RBBP4: variants seen among roughly 807,000 people sequenced by gnomAD.
The protein encoded by RBBP4 is histone-binding protein RBBP4.
A neutral mutation model predicts 57.2 loss-of-function variants in RBBP4; 3 were observed. That is an observed-to-expected ratio of 0.05 (90% confidence interval 0.02 to 0.14). RBBP4 has a LOEUF of 0.14. Among genes scored for constraint, RBBP4 ranks in the 10% least tolerant of loss-of-function variants. The pLI, the probability that RBBP4 is intolerant of heterozygous loss-of-function variation, is 1.00. For missense variants in RBBP4, 107 were observed against 520.6 expected, an observed-to-expected ratio of 0.21 and a Z score of 7.73; for synonymous variants, 151 against 171.5, an observed-to-expected ratio of 0.88 and a Z score of 0.93.
intron 2 of RBBP4, among the ~76,000 whole-genome samples, chr1:32,656,342 G>A (rs548365856): frequency 1.5e-3 from 65 of 43,576 alleles, no homozygotes; most frequent in African/African-American, 2.3e-3. Context: ...TTAGCCAGCC[G>A]CCGGTTTTTT....
rs530594725 is a variant in RBBP4 at position 32,669,673 on chromosome 1, A to G, written c.966+110A>G. ...TGGGAGGCTGAAGCGGGCGGATCACAAGGTCAGGAGATCGAGACCATCCTG... is the reference window on the plus strand; with the variant it reads ...TGGGAGGCTGAAGCGGGCGGATCACGAGGTCAGGAGATCGAGACCATCCTG... On this transcript the variant is annotated intron_variant, in intron 8 of 11. Coordinates refer to ENST00000373493, the MANE Select transcript of RBBP4 (RefSeq NM_005610.3). This position sits in a 1 kb window ranked among gnomAD's most constrained non-coding sequence, Gnocchi z 4.9. 16 of 1,429,396 alleles carry G rather than the reference A, an allele frequency of 1.1e-5. No homozygotes were observed. The African/African-American group carries it at 2.2e-4, about 19-fold the overall frequency. 88.5% of individuals were successfully genotyped at this position (1,429,396 alleles called of 1,614,324 possible).
At chr1:32,653,470 G>C (rs1325490124) in intron 2 of RBBP4, among the ~76,000 whole-genome samples, 2 of 151,996 alleles carry the variant, frequency 1.3e-5, no homozygotes, top group Non-Finnish European at 2.9e-5. Context: ...CTCAACAAAT[G>C]ATAGAAATTT....
At position 32,671,738 on chromosome 1, in the gene RBBP4, C is replaced by T. The variant is rs539031737; in HGVS notation, c.967-712C>T. On this transcript the variant is annotated intron_variant, in intron 8 of 11. Coordinates refer to ENST00000373493, the MANE Select transcript of RBBP4 (RefSeq NM_005610.3). ...GCCTAACCCCATCTCTACACAAATA[C>T]AAAAATTAGCTGGCCGTGGTGGCGG... Among the ~76,000 whole-genome samples the T allele has an allele frequency of 8.6e-5, 13 of 150,358 alleles. No homozygotes were observed. In the East Asian group the frequency reaches 1.4e-3, roughly 16 times the overall value.
Position 32,681,669 on chromosome 1 carries a change from C to T in RBBP4, c.*1964C>T. On this transcript the variant is annotated 3_prime_UTR_variant, in exon 12 of 12. Coordinates refer to ENST00000373493, the MANE Select transcript of RBBP4 (RefSeq NM_005610.3). The stretch of plus-strand genomic sequence containing the variant: ...AGCAAAGAGTTGACATGTTCTGCCT[C>T]CGGCCAACTCTAGAATCTTTTTAAG... 1 of 857,592 alleles carries T rather than the reference C, an allele frequency of 1.2e-6. No individual in the cohort carries two copies. Among genetic ancestry groups the T allele is most frequent in the Non-Finnish European group, 1.9e-6 (1 of 537,014 alleles). 53.1% of individuals were successfully genotyped at this position (857,592 alleles called of 1,614,324 possible).
At chr1:32,664,393 T>G (rs1347051064) in intron 3 of RBBP4, among the ~76,000 whole-genome samples, 1 of 152,156 alleles carries the variant, frequency 6.6e-6, no homozygotes, top group Non-Finnish European at 1.5e-5. Context: ...CTGTGCCAAC[T>G]GTGGCTTCTC....
At chr1:32,665,288 C>G (rs1289467198) in intron 3 of RBBP4, among the ~76,000 whole-genome samples, 1 of 152,096 alleles carries the variant, frequency 6.6e-6, no homozygotes, top group Admixed American at 6.6e-5. Flanking sequence ...AAACATTTTG[C>G]TTTTCAAAAG....
Position 32,651,252 on chromosome 1 carries a change from C to T in RBBP4, c.-55C>T, listed in dbSNP as rs1452598988. ...CGCACAGAGCGAGCTCTTGCAGCCT[C>T]CCCGCCCCTCCCGCAACGCTCGACC... On this transcript the variant is annotated 5_prime_UTR_variant, in exon 1 of 12. Transcript: ENST00000373493. 25 of 1,505,562 alleles carry T rather than the reference C, an allele frequency of 1.7e-5. No homozygotes were observed. The highest frequency in any genetic ancestry group is 2.2e-5 in the Non-Finnish European group (25 of 1,127,382). The allele number at this position is 1,505,562 out of a possible 1,614,324, so 93.3% of individuals were successfully genotyped here. A position where few individuals can be genotyped will look rare whatever the true frequency, so the allele number is the denominator to read the frequency against.
At chr1:32,656,707 T>C (rs980886546) in intron 2 of RBBP4, among the ~76,000 whole-genome samples, 12 of 151,884 alleles carry the variant, frequency 7.9e-5, no homozygotes, top group Admixed American at 7.9e-4. Flanking sequence ...TGTACTTCCA[T>C]CGCGTTTGGA....
chr1:32,679,754 C>G lies in RBBP4; in HGVS notation c.*49C>G. 1 of 1,608,938 alleles carries G rather than the reference C, an allele frequency of 6.2e-7. No homozygotes were observed. Among genetic ancestry groups the G allele is most frequent in the East Asian group, 2.2e-5 (1 of 44,706 alleles). ...TTAGACTCCCCTTTTTTCTTCTCAA[C>G]CCTGAGAGTGATTTAACACTGGTTT... On this transcript the variant is annotated 3_prime_UTR_variant, in exon 12 of 12. Transcript: ENST00000373493.
chr1:32,673,416 A>ATG, intron 11 of RBBP4: 1 of 405,834 alleles, frequency 2.5e-6, no homozygotes, highest in Middle Eastern at 8.4e-4. Flanking sequence ...ATCTCAAAGA[A>ATG]TGTGAACACC....
Position 32,682,215 on chromosome 1 carries a change from C to T in RBBP4, c.*2510C>T, listed in dbSNP as rs1649486154. 1 of 231,172 alleles carries T rather than the reference C, an allele frequency of 4.3e-6. No individual in the cohort carries two copies. The highest frequency in any genetic ancestry group is 2.3e-5 in the African/African-American group (1 of 43,146). 14.3% of individuals were successfully genotyped at this position (231,172 alleles called of 1,614,324 possible). Reference sequence around the variant, plus strand: ...CCTCAATTGCAAGGTTATAATTTCTCAAACATTAAGCATATTATCAGTCAT... The same window carrying T: ...CCTCAATTGCAAGGTTATAATTTCTTAAACATTAAGCATATTATCAGTCAT... On this transcript the variant is annotated 3_prime_UTR_variant, in exon 12 of 12. Transcript: ENST00000373493.
At position 32,684,064 on chromosome 1, in the gene RBBP4, C is replaced by G. The variant is rs746969400; in HGVS notation, c.*4359C>G. 9.9e-6 allele frequency: 16 copies of G among 1,613,974 alleles called. No individual in the cohort carries two copies. The highest frequency in any genetic ancestry group is 1.4e-5 in the Non-Finnish European group (16 of 1,180,016). On this transcript the variant is annotated 3_prime_UTR_variant, in exon 12 of 12. Coordinates refer to ENST00000373493, the MANE Select transcript of RBBP4 (RefSeq NM_005610.3). ...TGAGAAGTGGGAGCATCAGCCTGTT[C>G]CAGGCTCTTGGGTAGTAGCATAGCC... is the stretch of plus-strand genomic sequence containing the variant.
At chr1:32,655,661 G>C (rs536827568) in intron 2 of RBBP4, among the ~76,000 whole-genome samples, 2 of 152,152 alleles carry the variant, frequency 1.3e-5, no homozygotes, top group Non-Finnish European at 2.9e-5. Flanking sequence ...TATCTTACTG[G>C]CTTCCCCAGT....
Position 32,651,247 on chromosome 1 carries a change from A to C in RBBP4, c.-60A>C. 1.3e-6 allele frequency: 2 copies of C among 1,506,312 alleles called. No individual in the cohort carries two copies. Among genetic ancestry groups the C allele is most frequent in the Non-Finnish European group, 1.8e-6 (2 of 1,127,162 alleles). The allele number at this position is 1,506,312 out of a possible 1,614,324, so 93.3% of individuals were successfully genotyped here. A position where few individuals can be genotyped will look rare whatever the true frequency, so the allele number is the denominator to read the frequency against. ...CCGCGCGCACAGAGCGAGCTCTTGC[A>C]GCCTCCCCGCCCCTCCCGCAACGCT... On this transcript the variant is annotated 5_prime_UTR_variant, in exon 1 of 12. Coordinates refer to ENST00000373493, the MANE Select transcript of RBBP4 (RefSeq NM_005610.3).
chr1:32,653,265 A>C (rs948744057), intron 2 of RBBP4, among the ~76,000 whole-genome samples: 7 of 152,054 alleles, frequency 4.6e-5, no homozygotes, highest in African/African-American at 1.7e-4. Context: ...CAAAAAACAA[A>C]GAGGAGGGTA....
intron 3 of RBBP4, among the ~76,000 whole-genome samples, chr1:32,657,901 G>A (rs1337377079): frequency 6.6e-6 from 1 of 152,106 alleles, no homozygotes; most frequent in Non-Finnish European, 1.5e-5. Flanking sequence ...TGCCTAGGTT[G>A]GAGTGTAGTG....
chr1:32,656,513 G>A (rs1009476765), intron 2 of RBBP4, among the ~76,000 whole-genome samples: 1 of 152,050 alleles, frequency 6.6e-6, no homozygotes, highest in African/African-American at 2.4e-5. Flanking sequence ...CACCACACCC[G>A]GCTAATTTTT....
At chr1:32,664,828 C>T (rs1648576247) in intron 3 of RBBP4, among the ~76,000 whole-genome samples, 1 of 152,042 alleles carries the variant, frequency 6.6e-6, no homozygotes, top group East Asian at 1.9e-4. Context: ...GGGTTCAGTT[C>T]CCAATCACTG....
chr1:32,680,743 TC>T lies in RBBP4; in HGVS notation c.*1040del. On this transcript the variant is annotated 3_prime_UTR_variant, in exon 12 of 12. Transcript: ENST00000373493. ...AGAGTCCTTCAGATGACAGTTGTTGTCCATGGTCTTTGACTATCAAGAGCAG... is the reference window on the plus strand; with the variant it reads ...AGAGTCCTTCAGATGACAGTTGTTGTCATGGTCTTTGACTATCAAGAGCAG... 1.9e-6 allele frequency: 1 copy of T among 538,848 alleles called. No individual in the cohort carries two copies. The highest frequency in any genetic ancestry group is 2.0e-5 in the African/African-American group (1 of 50,754). The allele number at this position is 538,848 out of a possible 1,614,324, so 33.4% of individuals were successfully genotyped here. A position where few individuals can be genotyped will look rare whatever the true frequency, so the allele number is the denominator to read the frequency against.
Sources: allele counts gnomAD v4.1 joint callset (sites outside exome capture counted in the v4.1 genomes callset), GRCh38; gene constraint gnomAD v4.1.1; non-coding constraint Gnocchi (gnomAD v3.1); transcripts MANE v1.5; gene names NCBI Gene and HGNC (gene_info 2026-07-23, HGNC 2026-07-21).